The following UBAP2 variants were observed in gnomAD, a reference collection of about 807,000 sequenced individuals.
UBAP2 encodes the protein ubiquitin associated protein 2.
Under a neutral mutation model 139.6 loss-of-function variants are expected in UBAP2, and 75 were observed. The ratio of observed to expected loss-of-function variants is 0.54; its 90% confidence interval spans 0.45 to 0.65. The LOEUF (loss-of-function observed/expected upper bound fraction) is 0.65, where lower values mean the gene tolerates loss of function less well. Among genes scored for constraint, UBAP2 ranks in the 30% least tolerant of loss-of-function variants. UBAP2 has a pLI of 0.00. For synonymous variants in UBAP2, 526 were observed against 526.2 expected (o/e 1.00, Z 0.01); for missense variants, 1,368 against 1,369.6 (o/e 1.00, Z 0.02).
At chr9:33,930,799 G>A (rs1039024758) in intron 19 of UBAP2, among the ~76,000 whole-genome samples, 11 of 151,140 alleles carry the variant, frequency 7.3e-5, no homozygotes, top group East Asian at 3.9e-4. Context: ...AGGAGACTGA[G>A]GCAGGAGGAT....
At chr9:33,935,699 C>G in intron 17 of UBAP2, 140 bp downstream of exon 17, 1 of 939,110 alleles carries the variant, frequency 1.1e-6, no homozygotes, top group Non-Finnish European at 1.7e-6. Context: ...AACACCTGGT[C>G]CAAAAACAAA....
In UBAP2 at chr9:33,926,704, C is replaced by T. The variant is rs539622922; in HGVS notation, c.2464-40G>A. On this transcript the variant is annotated intron_variant, in intron 21 of 28. Transcript: ENST00000379238. ...GAAAGTGTATTTTAGGAACCACATA[C>T]CACACCCTGGGAAGCCCAGGTCCAT... The T allele has an allele frequency of 1.0e-4, 169 of 1,611,710 alleles. 3 individuals carry two copies. In the South Asian group the frequency reaches 1.8e-3, roughly 17 times the overall value.
chr9:33,982,259 C>T (rs117537664), intron 6 of UBAP2, among the ~76,000 whole-genome samples: 2,391 of 152,218 alleles, frequency 0.016, 26 homozygotes, highest in Non-Finnish European at 0.025. Flanking sequence ...AAATCCTTTG[C>T]AAAAATCCTC....
At chr9:33,971,547 T>C in intron 8 of UBAP2, 104 bp downstream of exon 8, 1 of 741,194 alleles carries the variant, frequency 1.3e-6, no homozygotes, top group East Asian at 2.5e-5. Flanking sequence ...CTGTTTTTCA[T>C]TCTTTTCCAT....
rs368481311 is a variant in UBAP2 at position 33,986,713 on chromosome 9, T to G, written c.520+47A>C. 4 of 1,529,046 alleles carry G rather than the reference T, an allele frequency of 2.6e-6. No individual in the cohort carries two copies. The African/African-American group carries it at 5.5e-5, about 21-fold the overall frequency. The allele number at this position is 1,529,046 out of a possible 1,614,324, so 94.7% of individuals were successfully genotyped here. ...CAGTCCAGCAACGCAACTGCCTGCT[T>G]CTTCCCCCTAATTGAAAGCATTTTC... On this transcript the variant is annotated intron_variant, in intron 6 of 28. Coordinates refer to ENST00000379238, the MANE Select transcript of UBAP2 (RefSeq NM_001370062.2).
At chr9:33,999,590 T>C (rs1822511959) in intron 2 of UBAP2, among the ~76,000 whole-genome samples, 1 of 152,176 alleles carries the variant, frequency 6.6e-6, no homozygotes, top group Non-Finnish European at 1.5e-5. Context: ...AGAGACAGGG[T>C]TTCACTATGT....
intron 1 of UBAP2, among the ~76,000 whole-genome samples, chr9:34,034,766 G>C (rs1826181646): frequency 6.6e-6 from 1 of 152,072 alleles, no homozygotes; most frequent in Admixed American, 6.6e-5. Context: ...CCAGCTACTG[G>C]AGAGGCTGAG....
chr9:33,973,356 A>G, intron 6 of UBAP2, 119 bp from the exon 7 acceptor site: 1 of 1,122,690 alleles, frequency 8.9e-7, no homozygotes, highest in Non-Finnish European at 1.3e-6. Flanking sequence ...AGTAGCACCA[A>G]CATTCCAATC....
chr9:33,930,526 C>A (rs1217386033), intron 19 of UBAP2, among the ~76,000 whole-genome samples: 1 of 151,866 alleles, frequency 6.6e-6, no homozygotes, highest in Non-Finnish European at 1.5e-5. Flanking sequence ...TGTGGGGATA[C>A]ACAAGTGGGG....
intron 4 of UBAP2, 199 bp downstream of exon 4, chr9:33,996,024 A>G (rs1822169893): frequency 1.4e-5 from 7 of 491,706 alleles, no homozygotes; most frequent in Non-Finnish European, 2.2e-5. Context: ...CTTTCAAGTC[A>G]TCAGATTCTA....
intron 6 of UBAP2, among the ~76,000 whole-genome samples, chr9:33,980,453 G>A (rs1820562583): frequency 6.6e-6 from 1 of 150,772 alleles, no homozygotes; most frequent in Non-Finnish European, 1.5e-5. Context: ...GTGTTAGCCA[G>A]GGTGGTCTCG....
chr9:34,047,638 T>C (rs976462254), intron 1 of UBAP2, among the ~76,000 whole-genome samples: 8 of 152,198 alleles, frequency 5.3e-5, no homozygotes, highest in Non-Finnish European at 1.2e-4. Flanking sequence ...AGAAATTATA[T>C]GCCCTTCAAA....
chr9:33,968,579 T>C (rs1827655788), intron 8 of UBAP2: 1 of 342,854 alleles, frequency 2.9e-6, no homozygotes, highest in Non-Finnish European at 5.7e-6. Flanking sequence ...AAACACTGTT[T>C]GTTTTAATCA....
chr9:34,016,388 T>C (rs28607766), intron 2 of UBAP2, among the ~76,000 whole-genome samples: 5 of 82,932 alleles, frequency 6.0e-5, no homozygotes, highest in African/African-American at 8.5e-5. Context: ...GTGGTGGTGG[T>C]GGTGGTGGTG....
chr9:34,029,471 A>T (rs953241439), intron 1 of UBAP2, among the ~76,000 whole-genome samples: 32 of 149,558 alleles, frequency 2.1e-4, no homozygotes, highest in Non-Finnish European at 3.7e-4. Context: ...GGAGGTTGCA[A>T]TGAGCCAAGA....
At chr9:33,988,375 A>G (rs1009406116) in intron 5 of UBAP2, among the ~76,000 whole-genome samples, 1 of 152,176 alleles carries the variant, frequency 6.6e-6, no homozygotes, top group Admixed American at 6.5e-5. Flanking sequence ...TAACTTAGCT[A>G]CACTGACACA....
chr9:34,015,518 G>A (rs1824173729), intron 2 of UBAP2, among the ~76,000 whole-genome samples: 1 of 151,812 alleles, frequency 6.6e-6, no homozygotes, highest in Admixed American at 6.6e-5. Flanking sequence ...GTAGAGACAG[G>A]GTTTCACCAT....
intron 13 of UBAP2, among the ~76,000 whole-genome samples, chr9:33,947,463 G>A (rs555680967): frequency 1.3e-5 from 2 of 152,288 alleles, no homozygotes; most frequent in East Asian, 3.9e-4. Flanking sequence ...GAATGTAAAG[G>A]TTGATGAAAT....
At chr9:33,983,141 G>T (rs1820915786) in intron 6 of UBAP2, among the ~76,000 whole-genome samples, 1 of 152,160 alleles carries the variant, frequency 6.6e-6, no homozygotes, top group Non-Finnish European at 1.5e-5. Context: ...GCCTCCAAAA[G>T]TGCTGGGATT....
Sources: allele counts gnomAD v4.1 joint callset (sites outside exome capture counted in the v4.1 genomes callset), GRCh38; gene constraint gnomAD v4.1.1; transcripts MANE v1.5; gene names NCBI Gene and HGNC (gene_info 2026-07-23, HGNC 2026-07-21).